Variants in PCDHA10 observed in about 807,000 individuals in gnomAD.
PCDHA10 encodes the protein protocadherin alpha 10.
In PCDHA10, 45 loss-of-function variants were observed where a neutral mutation model predicts 61.2. The ratio of observed to expected loss-of-function variants is 0.74; its 90% CI spans 0.58 to 0.94. PCDHA10 has a LOEUF of 0.94. PCDHA10 is among the 40% of genes least tolerant of loss of function. The pLI, the probability that PCDHA10 is intolerant of heterozygous loss-of-function variation, is 0.00. For missense variants in PCDHA10, 1,278 were observed against 1,236.2 expected (o/e 1.03, Z -0.51); for synonymous variants, 602 against 548.8 (o/e 1.10, Z -1.35).
rs1440009442 is a variant in PCDHA10, at chr5:140,964,448, A to G, written c.2389-14501A>G. Among the ~76,000 whole-genome samples the G allele has an allele frequency of 3.3e-5, 5 of 152,212 alleles. No homozygotes were observed. The South Asian group carries it at 8.3e-4, about 25-fold the overall frequency. On this transcript the variant is annotated intron_variant, in intron 1 of 3. Transcript: ENST00000307360. ...AAAATTACCAAGCCTCTGCCACTGT[A>G]ATCTCTTCCTTAAGTGCCTATGATT...
intron 1 of PCDHA10, chr5:140,875,247 A>G (rs1427742475): frequency 2.1e-6 from 2 of 962,258 alleles, no homozygotes; most frequent in Non-Finnish European, 2.9e-6. Context: ...TTACATAATC[A>G]GTCACATGAT....
intron 1 of PCDHA10, among the ~76,000 whole-genome samples, chr5:140,893,391 G>A (rs1481818388): frequency 6.6e-6 from 1 of 152,158 alleles, no homozygotes; most frequent in Non-Finnish European, 1.5e-5. Context: ...AGTGGCTCAT[G>A]CCTGTAATCC....
intron 1 of PCDHA10, chr5:140,927,861 C>T (rs782305822): frequency 1.2e-6 from 2 of 1,614,042 alleles, no homozygotes; most frequent in East Asian, 2.2e-5. Context: ...TAGCTAGCAC[C>T]GCTAAACTGC....
chr5:140,876,754 C>T, intron 1 of PCDHA10: 2 of 1,614,210 alleles, frequency 1.2e-6, no homozygotes, highest in Non-Finnish European at 1.7e-6. Context: ...GGTGACTGCG[C>T]GGGATGGGGG....
intron 1 of PCDHA10, chr5:140,868,693 T>C (rs1284176343): frequency 5.7e-6 from 1 of 176,810 alleles, no homozygotes; most frequent in African/African-American, 2.4e-5. Flanking sequence ...TAATGTTAAG[T>C]CAAACATAGA....
chr5:140,984,645 C>T (rs1354690786), intron 3 of PCDHA10, among the ~76,000 whole-genome samples: 1 of 152,164 alleles, frequency 6.6e-6, no homozygotes, highest in African/African-American at 2.4e-5. Flanking sequence ...TGCCTTCTCC[C>T]TGTCCTTCTG....
chr5:140,946,156 T>G (rs138161459), intron 1 of PCDHA10, among the ~76,000 whole-genome samples: 1 of 151,944 alleles, frequency 6.6e-6, no homozygotes, highest in Non-Finnish European at 1.5e-5. Flanking sequence ...TAACACGATT[T>G]AAAAGATGGG....
At chr5:140,936,185 G>A (rs563044758) in intron 1 of PCDHA10, among the ~76,000 whole-genome samples, 10 of 152,060 alleles carry the variant, frequency 6.6e-5, no homozygotes, top group Non-Finnish European at 1.0e-4. Context: ...AAACCACCAC[G>A]CCCAGCCAAA....
chr5:140,959,646 G>A (rs1222418847), intron 1 of PCDHA10, among the ~76,000 whole-genome samples: 5 of 152,010 alleles, frequency 3.3e-5, no homozygotes, highest in Admixed American at 6.6e-5. Context: ...AAACACAGAA[G>A]CAAAATTGAA....
chr5:140,968,301 A>G (rs886575781), intron 1 of PCDHA10: 9 of 1,613,914 alleles, frequency 5.6e-6, no homozygotes, highest in Non-Finnish European at 7.6e-6. Flanking sequence ...CTGGAGAGGG[A>G]GATTCAAGGG....
At chr5:140,975,849 A>G (rs1157741908) in intron 1 of PCDHA10, among the ~76,000 whole-genome samples, 1 of 152,208 alleles carries the variant, frequency 6.6e-6, no homozygotes, top group Non-Finnish European at 1.5e-5. Flanking sequence ...CAGTAATACT[A>G]CATCACCCAT....
intron 3 of PCDHA10, among the ~76,000 whole-genome samples, chr5:141,002,682 G>T (rs536105955): frequency 6.6e-6 from 1 of 152,140 alleles, no homozygotes; most frequent in Non-Finnish European, 1.5e-5. Flanking sequence ...CCTATACGAC[G>T]TGCAGATTTG....
chr5:140,968,046 T>A (rs1554230254), intron 1 of PCDHA10: 2 of 1,614,072 alleles, frequency 1.2e-6, no homozygotes, highest in African/African-American at 1.3e-5. Context: ...AGCGGCCCAC[T>A]GGACCGAGAG....
At chr5:140,986,102 C>T (rs782067384) in intron 3 of PCDHA10, among the ~76,000 whole-genome samples, 14 of 152,102 alleles carry the variant, frequency 9.2e-5, no homozygotes, top group Non-Finnish European at 1.5e-5. Flanking sequence ...CTGCAAAAGC[C>T]TAAGATAAAG....
chr5:140,892,310 A>T (rs1346325979), intron 1 of PCDHA10, among the ~76,000 whole-genome samples: 1 of 152,230 alleles, frequency 6.6e-6, no homozygotes, highest in African/African-American at 2.4e-5. Flanking sequence ...TTTGGGGCTT[A>T]TAACATTTTC....
rs2098418726 is a variant in PCDHA10 at position 141,010,899 on chromosome 5, C to T, written c.*962C>T. 2 of 153,680 alleles carry T rather than the reference C, an allele frequency of 1.3e-5. No individual in the cohort carries two copies. Among genetic ancestry groups the T allele is most frequent in the Admixed American group, 6.6e-5 (1 of 15,264 alleles). The allele number at this position is 153,680 out of a possible 1,614,324, so 9.5% of individuals were successfully genotyped here. ...TTTAAAGAGAAATATGAATACAATT[C>T]CCCTAAACTCTCCTCAAAAGAGAAT... On this transcript the variant is annotated 3_prime_UTR_variant, in exon 4 of 4. Coordinates refer to ENST00000307360, the MANE Select transcript of PCDHA10 (RefSeq NM_018901.4).
intron 1 of PCDHA10, among the ~76,000 whole-genome samples, chr5:140,952,641 G>T (rs1033672347): frequency 1.3e-5 from 2 of 152,102 alleles, no homozygotes; most frequent in Non-Finnish European, 2.9e-5. Flanking sequence ...TCCAACCTGT[G>T]CCTGGTTACC....
intron 1 of PCDHA10, among the ~76,000 whole-genome samples, chr5:140,940,208 A>T (rs1193106137): frequency 6.6e-6 from 1 of 152,164 alleles, no homozygotes; most frequent in Non-Finnish European, 1.5e-5. Flanking sequence ...AAAATTCAAG[A>T]TTGGCATTTA....
chr5:140,856,494 C>A lies in PCDHA10; in HGVS notation c.446C>A (p.Ser149Tyr). Residue 149 changes from serine to tyrosine, a missense_variant, in exon 1 of 4, where the codon TCT (serine) becomes TAT (tyrosine). Coordinates refer to ENST00000307360, the MANE Select transcript of PCDHA10 (RefSeq NM_018901.4). ...ATACCTGAATCCAGACTGCTTGACT[C>A]TCGATTTCCACTAGAAGGCGCATCT... is the stretch of plus-strand genomic sequence containing the variant. ...LSIPESRLLD[S>Y]RFPLEGASDA... is the part of the protein sequence containing the mutation. 6.3e-7 allele frequency: 1 copy of A among 1,598,382 alleles called. No homozygotes were observed. The highest frequency in any genetic ancestry group is 8.6e-7 in the Non-Finnish European group (1 of 1,167,902).
Sources: gnomAD v4.1 joint callset for allele counts (sites outside exome capture counted in the v4.1 genomes callset) on GRCh38, gnomAD v4.1.1 for gene constraint, MANE v1.5 for transcripts, NCBI Gene and HGNC (gene_info 2026-07-23, HGNC 2026-07-21) for gene names.